WDR7: variants seen among roughly 807,000 people sequenced by gnomAD.
WDR7 encodes WD repeat-containing protein 7.
A neutral mutation model predicts 169.4 loss-of-function variants in WDR7; 46 were observed. The ratio of observed to expected loss-of-function variants is 0.27; its 90% CI spans 0.21 to 0.35. WDR7 has a LOEUF of 0.35. WDR7 is among the 10% of genes least tolerant of loss of function. WDR7 has a pLI of 1.00. For missense variants in WDR7, 1,534 were observed against 1,859.3 expected (o/e 0.83, Z 3.22); for synonymous variants, 612 against 666.8 (o/e 0.92, Z 1.27).
At chr18:56,977,148 T>TA (rs1468817911) in intron 26 of WDR7, among the ~76,000 whole-genome samples, 1 of 152,222 alleles carries the variant, frequency 6.6e-6, no homozygotes, top group Non-Finnish European at 1.5e-5. Flanking sequence ...TCATGACTGT[T>TA]ACATTTTAAC....
chr18:57,010,577 T>A (rs2048122489), intron 26 of WDR7, among the ~76,000 whole-genome samples: 2 of 152,210 alleles, frequency 1.3e-5, no homozygotes, highest in Non-Finnish European at 2.9e-5. Flanking sequence ...TATAATATAT[T>A]AACTTGTGAT....
chr18:56,930,208 A>G (rs780331936), intron 22 of WDR7, among the ~76,000 whole-genome samples: 27 of 152,338 alleles, frequency 1.8e-4, no homozygotes, highest in Non-Finnish European at 3.2e-4. Context: ...ACATGCTTTG[A>G]TGACACACAG....
Position 56,694,974 on chromosome 18 carries a change from G to A in WDR7, c.1133G>A (p.Ser378Asn). Reference protein sequence around the residue: ...EEGLAMTTSISLQEAFDKLNP... With the variant: ...EEGLAMTTSINLQEAFDKLNP... ...GGGCTGGCAATGACAACTTCTATTAGTTTGCAAGAGGCATTTGATAAACTG... is the reference window on the plus strand; with the variant it reads ...GGGCTGGCAATGACAACTTCTATTAATTTGCAAGAGGCATTTGATAAACTG... Residue 378 changes from serine (S) to asparagine (N), a missense_variant, in exon 11 of 28, where the codon AGT becomes AAT. Physicochemically the swap from Ser to Asn is conservative, Grantham distance 46 (BLOSUM62 1). Transcript: ENST00000254442. 1 of 1,614,006 alleles carries A rather than the reference G, an allele frequency of 6.2e-7. No individual in the cohort carries two copies. The highest frequency in any genetic ancestry group is 2.2e-5 in the East Asian group (1 of 44,878).
chr18:56,989,384 T>C (rs922718273), intron 26 of WDR7, among the ~76,000 whole-genome samples: 2 of 152,168 alleles, frequency 1.3e-5, no homozygotes, highest in Admixed American at 6.5e-5. Flanking sequence ...AAAAATGATA[T>C]TTTTTCCAAG....
chr18:56,981,963 G>C (rs1402078696), intron 26 of WDR7, among the ~76,000 whole-genome samples: 1 of 151,994 alleles, frequency 6.6e-6, no homozygotes, highest in African/African-American at 2.4e-5. Context: ...ATAGGGAAGG[G>C]TTTAACAAGA....
At chr18:56,904,229 C>T (rs1181894275) in intron 21 of WDR7, among the ~76,000 whole-genome samples, 1 of 151,932 alleles carries the variant, frequency 6.6e-6, no homozygotes, top group African/African-American at 2.4e-5. Flanking sequence ...GCCACTATGC[C>T]CAGCTAATTT....
intron 21 of WDR7, among the ~76,000 whole-genome samples, chr18:56,920,485 C>T (rs971311737): frequency 1.3e-5 from 2 of 152,102 alleles, no homozygotes; most frequent in Non-Finnish European, 2.9e-5. Flanking sequence ...TAGCAATTTG[C>T]AATTCATAGG....
chr18:56,849,281 T>C (rs1328029153), intron 20 of WDR7, among the ~76,000 whole-genome samples: 1 of 152,224 alleles, frequency 6.6e-6, no homozygotes, highest in African/African-American at 2.4e-5. Flanking sequence ...TTAGGACTCC[T>C]TGGCTCTTCT....
At chr18:56,792,063 G>C (rs1039977702) in intron 19 of WDR7, among the ~76,000 whole-genome samples, 3 of 152,058 alleles carry the variant, frequency 2.0e-5, no homozygotes, top group Non-Finnish European at 4.4e-5. Flanking sequence ...TGTCACGAAG[G>C]CTGGAGTGCA....
At chr18:57,030,766 T>G (rs569213258), downstream of WDR7, 1 of 152,144 alleles carries the variant, frequency 6.6e-6, no homozygotes, top group Non-Finnish European at 1.5e-5. Context: ...GCCTGACACT[T>G]CAAGGTGTTT....
chr18:56,910,803 A>G (rs1489678321), intron 21 of WDR7, among the ~76,000 whole-genome samples: 1 of 152,166 alleles, frequency 6.6e-6, no homozygotes, highest in Non-Finnish European at 1.5e-5. Flanking sequence ...ATAGTCGGGA[A>G]TTCATATTAT....
intron 2 of WDR7, among the ~76,000 whole-genome samples, chr18:56,673,921 T>A (rs143622010): frequency 1.3e-5 from 2 of 152,302 alleles, no homozygotes; most frequent in East Asian, 3.9e-4. Context: ...ACATTTAATA[T>A]AAATGGAATC....
intron 14 of WDR7, among the ~76,000 whole-genome samples, chr18:56,754,938 C>A (rs1357647269): frequency 1.3e-5 from 2 of 152,122 alleles, no homozygotes; most frequent in East Asian, 3.9e-4. Context: ...TTTCTCTATA[C>A]TGTTTTTAGT....
chr18:56,731,154 C>T (rs1019726400), intron 13 of WDR7, among the ~76,000 whole-genome samples: 3 of 151,998 alleles, frequency 2.0e-5, no homozygotes, highest in African/African-American at 7.2e-5. Context: ...TAGCTCTGAA[C>T]TTGACTTTAT....
chr18:56,666,409 T>C (rs2025025724), intron 1 of WDR7, among the ~76,000 whole-genome samples: 1 of 151,744 alleles, frequency 6.6e-6, no homozygotes, highest in African/African-American at 2.4e-5. Flanking sequence ...CTCCATTTGG[T>C]CAGGCTGGTC....
chr18:56,869,733 T>C (rs1457632280), intron 20 of WDR7, among the ~76,000 whole-genome samples: 1 of 152,192 alleles, frequency 6.6e-6, no homozygotes, highest in African/African-American at 2.4e-5. Flanking sequence ...TTAAAAACTT[T>C]ATTTTATTTA....
intron 26 of WDR7, among the ~76,000 whole-genome samples, chr18:56,999,069 T>G (rs987554470): frequency 2.0e-5 from 3 of 152,198 alleles, no homozygotes; most frequent in Non-Finnish European, 4.4e-5. Flanking sequence ...GTCAGAGTTA[T>G]GAAAATATTT....
intron 25 of WDR7, among the ~76,000 whole-genome samples, chr18:56,956,864 CTT>C (rs1411404044): frequency 1.3e-5 from 2 of 152,082 alleles, no homozygotes; most frequent in East Asian, 1.9e-4. Context: ...TAAAAAGTCA[CTT>C]TGTGTAAATT....
Position 56,758,872 on chromosome 18 carries a change from A to G in WDR7, c.2767A>G (p.Arg923Gly), listed in dbSNP as rs930892803. ...HMKKGPTRPP[R>G]PSTPDLSKAR... ...TTTTTCTTCTTTTTTAAGGCCACCT[A>G]GACCAAGCACCCCAGACCTTTCTAA... Residue 923 changes from arginine (R) to glycine (G), a missense_variant, in exon 16 of 28, where the codon AGA (arginine) becomes GGA (glycine). Transcript: ENST00000254442. 5 of 1,611,998 alleles carry G rather than the reference A, an allele frequency of 3.1e-6. No homozygotes were observed. Among genetic ancestry groups the G allele is most frequent in the Non-Finnish European group, 3.4e-6 (4 of 1,178,982 alleles).
Sources: gnomAD v4.1 joint callset for allele counts (sites outside exome capture counted in the v4.1 genomes callset) on GRCh38, gnomAD v4.1.1 for gene constraint, MANE v1.5 for transcripts, NCBI Gene and HGNC (gene_info 2026-07-23, HGNC 2026-07-21) for gene names.